The following CIT variants were observed in gnomAD, a reference collection of about 807,000 sequenced individuals.
The protein encoded by CIT is citron rho-interacting serine/threonine kinase.
CIT carries 79 observed loss-of-function variants against 272.7 expected under a neutral mutation model. The observed-to-expected ratio is 0.29, with a 90% CI of 0.24 to 0.35. The LOEUF is 0.35. Ranked by LOEUF, CIT falls within the 10% of genes least tolerant of loss-of-function variation. CIT has a pLI of 1.00. For missense variants in CIT, 1,909 were observed against 2,618.3 expected, an observed-to-expected ratio of 0.73 and a Z score of 5.91; for synonymous variants, 948 against 995.6, an observed-to-expected ratio of 0.95 and a Z score of 0.90.
At chr12:119,716,638 G>A (rs968479953) in intron 32 of CIT, among the ~76,000 whole-genome samples, 2 of 152,060 alleles carry the variant, frequency 1.3e-5, no homozygotes, top group African/African-American at 4.8e-5. Flanking sequence ...CTAGGTAAAT[G>A]GAGTACATTT....
chr12:119,803,475 T>G (rs1966382899), intron 9 of CIT, 86 bp from the exon 10 acceptor site: 1 of 1,007,906 alleles, frequency 9.9e-7, no homozygotes, highest in African/African-American at 1.7e-5. Flanking sequence ...ATCGTCTTAC[T>G]CCTTCGGCGC....
rs143136060 is a variant in CIT, at chr12:119,803,454, T to C, written c.1112-65A>G. The C allele has an allele frequency of 1.9e-4, 229 of 1,213,514 alleles. 1 individual carries two copies. The East Asian group carries it at 5.7e-3, about 30-fold the overall frequency. 75.2% of individuals were successfully genotyped at this position (1,213,514 alleles called of 1,614,324 possible). ...AAAATTTCAGCCGGATTCAACACTG[T>C]TGCGGAGAAGATCGTCTTACTCCTT... On this transcript the variant is annotated intron_variant, in intron 9 of 47. Transcript: ENST00000392521.
intron 3 of CIT, among the ~76,000 whole-genome samples, chr12:119,868,002 G>A (rs1014202774): frequency 6.6e-6 from 1 of 152,182 alleles, no homozygotes; most frequent in Non-Finnish European, 1.5e-5. Flanking sequence ...GCTGAGGCAG[G>A]AAGACTGCTT....
chr12:119,700,273 C>T (rs1956482693), intron 44 of CIT, among the ~76,000 whole-genome samples: 1 of 152,244 alleles, frequency 6.6e-6, no homozygotes, highest in Admixed American at 6.5e-5. Flanking sequence ...AGAATCTTTC[C>T]ATGAACAGTT....
chr12:119,720,447 C>A (rs368373338), intron 30 of CIT, 31 bp downstream of exon 30: 202 of 1,486,252 alleles, frequency 1.4e-4, no homozygotes, highest in Non-Finnish European at 1.8e-4. Flanking sequence ...GTGAAACTGA[C>A]AATTCCCACT....
chr12:119,737,160 A>G (rs1472926737), intron 24 of CIT, among the ~76,000 whole-genome samples: 1 of 152,042 alleles, frequency 6.6e-6, no homozygotes, highest in Non-Finnish European at 1.5e-5. Context: ...ACAAAAAATT[A>G]ACCAGGCGTG....
intron 10 of CIT, among the ~76,000 whole-genome samples, chr12:119,800,667 T>G (rs2137854040): frequency 6.6e-6 from 1 of 152,260 alleles, no homozygotes; most frequent in East Asian, 1.9e-4. Context: ...TCAATGTGTG[T>G]AAATAAAAAC....
chr12:119,804,257 T>C lies in CIT; in HGVS notation c.1112-868A>G. 1 of 985,440 alleles carries C rather than the reference T, an allele frequency of 1.0e-6. No homozygotes were observed. The highest frequency in any genetic ancestry group is 1.2e-6 in the Non-Finnish European group (1 of 829,942). The allele number at this position is 985,440 out of a possible 1,614,324, so 61.0% of individuals were successfully genotyped here. A position where few individuals can be genotyped will look rare whatever the true frequency, so the allele number is the denominator to read the frequency against. ...TCTCGGTCTGGGAGGTGGACACTCGTCCATCAGTCACCAGGAGGCTGCCCA... is the reference window on the plus strand; with the variant it reads ...TCTCGGTCTGGGAGGTGGACACTCGCCCATCAGTCACCAGGAGGCTGCCCA... On this transcript the variant is annotated intron_variant, in intron 9 of 47. Transcript: ENST00000392521. The surrounding 1 kb of genome is among the most constrained non-coding windows in gnomAD (Gnocchi z 5.3).
At chr12:119,803,087 C>A in intron 10 of CIT, 119 bp downstream of exon 10, 1 of 727,056 alleles carries the variant, frequency 1.4e-6, no homozygotes, top group Non-Finnish European at 2.1e-6. Context: ...ATGCAGGTGA[C>A]TAGCAGCTTC....
chr12:119,696,657 G>C (rs1305125795), intron 46 of CIT, among the ~76,000 whole-genome samples: 28 of 152,128 alleles, frequency 1.8e-4, no homozygotes, highest in Non-Finnish European at 2.9e-5. Flanking sequence ...CTCCAGAGTA[G>C]CCGGGATTAC....
chr12:119,866,671 T>C (rs1000201394), intron 3 of CIT, among the ~76,000 whole-genome samples: 1 of 152,040 alleles, frequency 6.6e-6, no homozygotes, highest in African/African-American at 2.4e-5. Flanking sequence ...ATTAAAAAAT[T>C]AGCCATTAGT....
chr12:119,722,038 A>G lies in CIT; in HGVS notation c.3592-589T>C, dbSNP rs149613728. ...GGGGGAAAAGAAGAAGATCCCAGTTATAGTACAGAGTGTTGGTAAAACCCA... is the reference window on the plus strand; with the variant it reads ...GGGGGAAAAGAAGAAGATCCCAGTTGTAGTACAGAGTGTTGGTAAAACCCA... On this transcript the variant is annotated intron_variant, in intron 28 of 47. Transcript: ENST00000392521. Among the ~76,000 whole-genome samples the G allele has an allele frequency of 1.9e-3, 283 of 152,370 alleles. 1 individual carries two copies. The highest frequency in any genetic ancestry group is 6.1e-3 in the African/African-American group (252 of 41,578).
At chr12:119,724,849 T>C (rs1957997431) in intron 28 of CIT, among the ~76,000 whole-genome samples, 1 of 132,564 alleles carries the variant, frequency 7.5e-6, no homozygotes, top group Admixed American at 9.4e-5. Flanking sequence ...TGAGGCAGAA[T>C]GGCGTGAACC....
rs1455886926 is a variant in CIT at position 119,742,484 on chromosome 12, T to C, written c.2905-20A>G. On this transcript the variant is annotated intron_variant, in intron 23 of 47. Transcript: ENST00000392521. ...ATGTGCCTAAAAGGTAAGAAGTTGA[T>C]TATAAATTTTTCATAGGGTAGAATA... 6.3e-7 allele frequency: 1 copy of C among 1,590,200 alleles called. No individual in the cohort carries two copies. The highest frequency in any genetic ancestry group is 1.1e-5 in the South Asian group (1 of 87,994).
At chr12:119,803,167 T>A (rs1204520352) in intron 10 of CIT, 39 bp downstream of exon 10, 1 of 660,220 alleles carries the variant, frequency 1.5e-6, no homozygotes, top group South Asian at 3.3e-5. Flanking sequence ...AAGCCTTGCA[T>A]CAATGCAGGT....
intron 20 of CIT, 65 bp downstream of exon 20, chr12:119,760,874 G>T: frequency 1.0e-6 from 1 of 990,960 alleles, no homozygotes; most frequent in Non-Finnish European, 1.6e-6. Context: ...TCTTATCAGG[G>T]GTGATTCTTG....
In CIT at chr12:119,776,405, T is replaced by C. The variant is rs1467372122; in HGVS notation, c.1840A>G (p.Lys614Glu). 4 of 1,613,192 alleles carry C rather than the reference T, an allele frequency of 2.5e-6. No homozygotes were observed. Among genetic ancestry groups the C allele is most frequent in the African/African-American group, 1.3e-5 (1 of 75,018 alleles). Reference protein sequence around the residue: ...TECQHKLLKAKDQGKPEVGEY... With the variant: ...TECQHKLLKAEDQGKPEVGEY... Reference sequence around the variant, plus strand: ...CCCACTTCAGGCTTCCCTTGATCCTTAGCCTGTAATTAAAAAGACACAACA... The same window carrying C: ...CCCACTTCAGGCTTCCCTTGATCCTCAGCCTGTAATTAAAAAGACACAACA... Residue 614 changes from lysine to glutamate, a missense_variant, in exon 15 of 48, where the codon AAG becomes GAG. By Grantham distance (56) the Lys-to-Glu change is moderately conservative. Coordinates refer to ENST00000392521, the MANE Select transcript of CIT (RefSeq NM_001206999.2).
intron 9 of CIT, among the ~76,000 whole-genome samples, chr12:119,814,205 G>A (rs1190177080): frequency 6.6e-6 from 1 of 152,024 alleles, no homozygotes; most frequent in East Asian, 1.9e-4. Flanking sequence ...TGACATCTCT[G>A]GAAGTAGCTT....
intron 28 of CIT, among the ~76,000 whole-genome samples, chr12:119,727,063 A>G (rs1451930982): frequency 6.6e-6 from 1 of 152,220 alleles, no homozygotes; most frequent in African/African-American, 2.4e-5. Context: ...ATGAAACTTA[A>G]TATACTTTGG....
Sources: gnomAD v4.1 joint callset for allele counts (sites outside exome capture counted in the v4.1 genomes callset) on GRCh38, gnomAD v4.1.1 for gene constraint, Gnocchi (gnomAD v3.1) non-coding constraint, MANE v1.5 for transcripts, NCBI Gene and HGNC (gene_info 2026-07-23, HGNC 2026-07-21) for gene names.